LARP1B: variants seen among roughly 807,000 people sequenced by gnomAD.
LARP1B encodes la-related protein 1B.
In LARP1B, 76 loss-of-function variants were observed where a neutral mutation model predicts 114.2. That is an observed-to-expected ratio of 0.67 (90% CI 0.55 to 0.81). LARP1B has a LOEUF of 0.81. LARP1B is among the 30% of genes least tolerant of loss of function. LARP1B has a pLI of 0.00. For synonymous variants in LARP1B, 345 were observed against 348.0 expected, an observed-to-expected ratio of 0.99 and a Z score of 0.10; for missense variants, 1,014 against 1,075.8, an observed-to-expected ratio of 0.94 and a Z score of 0.80.
chr4:128,198,468 G>A (rs1754974297), intron 15 of LARP1B, among the ~76,000 whole-genome samples: 1 of 152,164 alleles, frequency 6.6e-6, no homozygotes, highest in South Asian at 2.1e-4. Context: ...AGTTGAAACT[G>A]GAATTGTTTT....
chr4:128,212,370 A>G (rs535339642), downstream of LARP1B, among the ~76,000 whole-genome samples: 28 of 151,960 alleles, frequency 1.8e-4, no homozygotes, highest in African/African-American at 6.7e-4. Context: ...TAGGCTGGGC[A>G]TGGTGGCTCA....
At chr4:128,212,498 C>A (rs1228608797), downstream of LARP1B, among the ~76,000 whole-genome samples, 1 of 151,828 alleles carries the variant, frequency 6.6e-6, no homozygotes, top group East Asian at 1.9e-4. Context: ...ATACAAAAAA[C>A]TAGCTGGGCG....
At chr4:128,086,305 G>A (rs61662075) in intron 5 of LARP1B, among the ~76,000 whole-genome samples, 4,066 of 151,846 alleles carry the variant, frequency 0.027, 167 homozygotes, top group African/African-American at 0.093. Context: ...TCGCCCAGCC[G>A]CTTTGTCATA....
chr4:128,104,275 C>G (rs1220584378), intron 8 of LARP1B, among the ~76,000 whole-genome samples: 1 of 152,068 alleles, frequency 6.6e-6, no homozygotes, highest in Non-Finnish European at 1.5e-5. Flanking sequence ...AGGCCTCTCT[C>G]CTGTTTTTGA....
At chr4:128,171,102 G>A (rs867302589) in intron 12 of LARP1B, among the ~76,000 whole-genome samples, 11 of 132,720 alleles carry the variant, frequency 8.3e-5, no homozygotes, top group Admixed American at 8.0e-4. Flanking sequence ...AACCTCCATA[G>A]AGATTTTTTT....
At chr4:128,138,896 T>C (rs988773275) in intron 11 of LARP1B, among the ~76,000 whole-genome samples, 23 of 151,972 alleles carry the variant, frequency 1.5e-4, no homozygotes, top group Admixed American at 1.4e-3. Context: ...GGCAGTTGCA[T>C]TGAGCCGAGA....
intron 5 of LARP1B, among the ~76,000 whole-genome samples, chr4:128,085,016 A>G (rs1450746110): frequency 1.3e-5 from 2 of 152,114 alleles, no homozygotes; most frequent in East Asian, 1.9e-4. Flanking sequence ...GGCACATGCC[A>G]CCACACCCGG....
rs373391526 is a variant in LARP1B, at chr4:128,191,473, G to C, written c.2004-7966G>C. ...CTATTGTATATCAGTGCCTCCTTTT[G>C]GGCACTAGATGGCGCCTTAAGCCCA... On this transcript the variant is annotated intron_variant, in intron 15 of 19. Transcript: ENST00000326639. Among the ~76,000 whole-genome samples the C allele has an allele frequency of 3.3e-5, 5 of 152,180 alleles. No homozygotes were observed. In the East Asian group the frequency reaches 9.7e-4, roughly 29 times the overall value.
At chr4:128,063,935 T>C (rs1167437782) in intron 1 of LARP1B, among the ~76,000 whole-genome samples, 2 of 152,148 alleles carry the variant, frequency 1.3e-5, no homozygotes, top group Non-Finnish European at 2.9e-5. Context: ...TGAGCGTGTT[T>C]ACTGGCTTGT....
intron 8 of LARP1B, among the ~76,000 whole-genome samples, chr4:128,105,067 T>C (rs1781590307): frequency 1.0e-5 from 1 of 95,702 alleles, no homozygotes; most frequent in South Asian, 4.7e-4. Context: ...TTTCAAGGAG[T>C]TTTTTTTTTG....
intron 7 of LARP1B, chr4:128,220,451 G>A (rs878920199): frequency 1.9e-6 from 1 of 539,458 alleles, no homozygotes; most frequent in Admixed American, 6.3e-5. Flanking sequence ...GTGAGTATGT[G>A]TGTGTTTTTG....
chr4:128,202,646 A>T (rs1282922400), intron 17 of LARP1B, among the ~76,000 whole-genome samples: 1 of 152,112 alleles, frequency 6.6e-6, no homozygotes, highest in Non-Finnish European at 1.5e-5. Context: ...TTCCATTTCC[A>T]CCCAAGTCTA....
At chr4:128,128,079 CAAAA>C (rs1476526687) in intron 11 of LARP1B, among the ~76,000 whole-genome samples, 3 of 152,068 alleles carry the variant, frequency 2.0e-5, no homozygotes, top group Non-Finnish European at 2.9e-5. Context: ...TATCTACAAA[CAAAA>C]GAAGGAAGTT....
At chr4:128,064,564 C>CT (rs984142292) in intron 1 of LARP1B, among the ~76,000 whole-genome samples, 1 of 151,858 alleles carries the variant, frequency 6.6e-6, no homozygotes, top group African/African-American at 2.4e-5. Context: ...TAAAGTTTTT[C>CT]TTTTTTTTCT....
chr4:128,127,433 T>C (rs1790002334), intron 11 of LARP1B, among the ~76,000 whole-genome samples: 1 of 152,212 alleles, frequency 6.6e-6, no homozygotes, highest in Non-Finnish European at 1.5e-5. Flanking sequence ...TTAAAGTTAT[T>C]AAAGTTTGCA....
intron 15 of LARP1B, among the ~76,000 whole-genome samples, chr4:128,192,286 G>A (rs1212981664): frequency 6.6e-6 from 1 of 152,032 alleles, no homozygotes; most frequent in Non-Finnish European, 1.5e-5. Flanking sequence ...TTTGCAATAT[G>A]TGCTGTTTTG....
intron 10 of LARP1B, among the ~76,000 whole-genome samples, chr4:128,115,993 T>G (rs1198768036): frequency 6.6e-6 from 1 of 152,252 alleles, no homozygotes; most frequent in Non-Finnish European, 1.5e-5. Context: ...TACACTCATG[T>G]TAATTATTTA....
At chr4:128,200,908 A>T (rs1049449264) in intron 17 of LARP1B, among the ~76,000 whole-genome samples, 18 of 152,256 alleles carry the variant, frequency 1.2e-4, no homozygotes, top group Non-Finnish European at 2.5e-4. Flanking sequence ...AACATTTGTT[A>T]GTTCACAGCT....
intron 15 of LARP1B, 70 bp downstream of exon 15, chr4:128,179,582 A>G: frequency 1.1e-6 from 1 of 876,588 alleles, no homozygotes; most frequent in Non-Finnish European, 1.8e-6. Flanking sequence ...TACTAATTGG[A>G]TATTTCAAAA....
Sources: gnomAD v4.1 joint callset for allele counts (sites outside exome capture counted in the v4.1 genomes callset) on GRCh38, gnomAD v4.1.1 for gene constraint, MANE v1.5 for transcripts, NCBI Gene and HGNC (gene_info 2026-07-23, HGNC 2026-07-21) for gene names.